CTNND2: variants seen among roughly 807,000 people sequenced by gnomAD.
CTNND2 encodes catenin delta-2.
CTNND2 carries 22 observed loss-of-function variants against 144.4 expected under a neutral mutation model. The ratio of observed to expected loss-of-function variants is 0.15; its 90% CI spans 0.11 to 0.22. CTNND2 has a LOEUF of 0.22. Ranked by LOEUF, CTNND2 falls within the 10% of genes least tolerant of loss-of-function variation. The pLI is 1.00. For missense variants in CTNND2, 1,353 were observed against 1,618.8 expected (o/e 0.84, Z 2.82); for synonymous variants, 751 against 695.6 (o/e 1.08, Z -1.25).
At chr5:11,193,025 G>A (rs891617217) in intron 11 of CTNND2, among the ~76,000 whole-genome samples, 21 of 152,148 alleles carry the variant, frequency 1.4e-4, no homozygotes, top group African/African-American at 4.8e-4. Context: ...TGAGAGGAGG[G>A]AGAACTGACA....
At chr5:11,240,378 A>ACC (rs1561075087) in intron 9 of CTNND2, among the ~76,000 whole-genome samples, 1 of 23,264 alleles carries the variant, frequency 4.3e-5, no homozygotes. Context: ...CCCAACACAC[A>ACC]CATACACTCA....
intron 2 of CTNND2, among the ~76,000 whole-genome samples, chr5:11,712,634 A>C (rs1786093718): frequency 1.3e-5 from 2 of 152,184 alleles, no homozygotes; most frequent in African/African-American, 2.4e-5. Flanking sequence ...CATTTTTCCA[A>C]TGATGCTAAT....
chr5:11,114,874 G>A (rs1299027026), intron 13 of CTNND2, among the ~76,000 whole-genome samples: 1 of 152,010 alleles, frequency 6.6e-6, no homozygotes, highest in Non-Finnish European at 1.5e-5. Context: ...GGGCTGAGTG[G>A]AAAATGATGG....
intron 3 of CTNND2, among the ~76,000 whole-genome samples, chr5:11,515,121 A>AC (rs1772039806): frequency 6.6e-6 from 1 of 152,026 alleles, no homozygotes; most frequent in South Asian, 2.1e-4. Flanking sequence ...CAAAAAAAAA[A>AC]AAAAACGCAT....
intron 2 of CTNND2, among the ~76,000 whole-genome samples, chr5:11,580,159 T>G (rs927755987): frequency 1.3e-5 from 2 of 152,112 alleles, no homozygotes; most frequent in Non-Finnish European, 2.9e-5. Flanking sequence ...CTCCTTCTTT[T>G]CCCACAGTGG....
chr5:10,987,698 C>T (rs1406800292), intron 20 of CTNND2, among the ~76,000 whole-genome samples: 1 of 125,676 alleles, frequency 8.0e-6, no homozygotes, highest in East Asian at 2.7e-4. Context: ...ATTCCCCTCC[C>T]CACCTCCCCT....
At chr5:10,982,589 G>A (rs913765999) in intron 20 of CTNND2, among the ~76,000 whole-genome samples, 1 of 152,250 alleles carries the variant, frequency 6.6e-6, no homozygotes, top group East Asian at 1.9e-4. Flanking sequence ...CTGCTGAAGG[G>A]TCATGGTTCA....
chr5:11,748,595 T>C (rs977805842), intron 1 of CTNND2, among the ~76,000 whole-genome samples: 1 of 152,110 alleles, frequency 6.6e-6, no homozygotes, highest in African/African-American at 2.4e-5. Context: ...ATCATTACCC[T>C]GTCAAGCAAA....
At chr5:11,097,591 A>G (rs1253710893) in intron 15 of CTNND2, among the ~76,000 whole-genome samples, 1 of 152,188 alleles carries the variant, frequency 6.6e-6, no homozygotes, top group Non-Finnish European at 1.5e-5. Context: ...GATGACAGAG[A>G]GAATGACAAG....
At chr5:11,205,143 A>T (rs911816333) in intron 10 of CTNND2, among the ~76,000 whole-genome samples, 47 of 152,296 alleles carry the variant, frequency 3.1e-4, no homozygotes, top group African/African-American at 1.0e-3. Context: ...ACTCAAAGTA[A>T]ATTTTAATAA....
intron 9 of CTNND2, among the ~76,000 whole-genome samples, chr5:11,274,600 G>A (rs1433689123): frequency 6.7e-6 from 1 of 149,748 alleles, no homozygotes; most frequent in Non-Finnish European, 1.5e-5. Context: ...TTTTAAAAAG[G>A]CAACACCAAA....
At chr5:11,675,886 G>T (rs1414852014) in intron 2 of CTNND2, among the ~76,000 whole-genome samples, 3 of 151,042 alleles carry the variant, frequency 2.0e-5, no homozygotes, top group African/African-American at 7.3e-5. Context: ...CTGCTTGATT[G>T]ATTTGGCTAC....
At chr5:11,329,446 T>C (rs974800942) in intron 9 of CTNND2, among the ~76,000 whole-genome samples, 3 of 152,188 alleles carry the variant, frequency 2.0e-5, no homozygotes, top group South Asian at 2.1e-4. Flanking sequence ...GAAGCCACCA[T>C]GCCTGGCCAA....
chr5:10,979,195 G>A (rs1373743596), intron 21 of CTNND2, among the ~76,000 whole-genome samples: 1 of 152,196 alleles, frequency 6.6e-6, no homozygotes, highest in Admixed American at 6.5e-5. Context: ...TGTACATCCA[G>A]AATTTCATAA....
intron 15 of CTNND2, among the ~76,000 whole-genome samples, chr5:11,089,603 T>G (rs1750550442): frequency 6.6e-6 from 1 of 152,232 alleles, no homozygotes; most frequent in African/African-American, 2.4e-5. Context: ...TCTGATGATT[T>G]AACAACAGCA....
intron 2 of CTNND2, among the ~76,000 whole-genome samples, chr5:11,609,476 G>T (rs1780213201): frequency 6.6e-6 from 1 of 152,034 alleles, no homozygotes; most frequent in Non-Finnish European, 1.5e-5. Context: ...CACTGCAATG[G>T]TCAGTCTTAC....
intron 2 of CTNND2, among the ~76,000 whole-genome samples, chr5:11,681,949 T>G (rs1448227174): frequency 6.6e-6 from 1 of 151,806 alleles, no homozygotes; most frequent in Non-Finnish European, 1.5e-5. Flanking sequence ...TGTCTACACA[T>G]GAGATGACTG....
intron 3 of CTNND2, among the ~76,000 whole-genome samples, chr5:11,483,550 G>A (rs1212687989): frequency 2.6e-5 from 4 of 152,206 alleles, no homozygotes; most frequent in African/African-American, 9.6e-5. Context: ...AGAGATTTGT[G>A]TACCTTTCAA....
intron 9 of CTNND2, among the ~76,000 whole-genome samples, chr5:11,256,243 G>A (rs1460873151): frequency 6.6e-6 from 1 of 152,122 alleles, no homozygotes. Context: ...TTGATAATAT[G>A]CCTAGGTCAT....
Sources: gnomAD v4.1 joint callset for allele counts (sites outside exome capture counted in the v4.1 genomes callset) on GRCh38, gnomAD v4.1.1 for gene constraint, MANE v1.5 for transcripts, NCBI Gene and HGNC (gene_info 2026-07-23, HGNC 2026-07-21) for gene names.